The following MAPKAP1 variants were observed in gnomAD, a reference collection of about 807,000 sequenced individuals.
The protein encoded by MAPKAP1 is target of rapamycin complex 2 subunit MAPKAP1.
In MAPKAP1, 20 loss-of-function variants were observed where a neutral mutation model predicts 65.7. The observed-to-expected ratio is 0.30, with a 90% CI of 0.21 to 0.44. The LOEUF (loss-of-function observed/expected upper bound fraction) is 0.44. MAPKAP1 is among the 20% of genes least tolerant of loss of function. MAPKAP1 has a pLI of 1.00. For missense variants in MAPKAP1, 423 were observed against 648.0 expected (o/e 0.65, Z 3.77); for synonymous variants, 222 against 244.3 (o/e 0.91, Z 0.85).
intron 10 of MAPKAP1, among the ~76,000 whole-genome samples, chr9:125,449,306 T>C (rs904405047): frequency 6.6e-6 from 1 of 152,206 alleles, no homozygotes; most frequent in Non-Finnish European, 1.5e-5. Context: ...TGATCTCTTA[T>C]ATGTCACATA....
At chr9:125,534,902 C>CTA (rs1476894628) in intron 7 of MAPKAP1, among the ~76,000 whole-genome samples, 2 of 152,180 alleles carry the variant, frequency 1.3e-5, no homozygotes, top group Non-Finnish European at 2.9e-5. Flanking sequence ...CACCCAGGCC[C>CTA]TATACTTACT....
intron 1 of MAPKAP1, among the ~76,000 whole-genome samples, chr9:125,685,703 T>G (rs1452635081): frequency 6.6e-6 from 1 of 152,236 alleles, no homozygotes; most frequent in Non-Finnish European, 1.5e-5. Context: ...TCTTCTAAAC[T>G]TCTAAACTCT....
intron 7 of MAPKAP1, among the ~76,000 whole-genome samples, chr9:125,539,162 T>C (rs1830166290): frequency 6.6e-6 from 1 of 152,256 alleles, no homozygotes; most frequent in African/African-American, 2.4e-5. Context: ...AACATTTTTC[T>C]TTCAAGTTCT....
chr9:125,548,064 T>C (rs1362121487), intron 6 of MAPKAP1, among the ~76,000 whole-genome samples: 1 of 152,320 alleles, frequency 6.6e-6, no homozygotes, highest in East Asian at 1.9e-4. Context: ...TTTTAAGCTT[T>C]TTAAAAAATA....
chr9:125,603,204 C>T (rs1361899155), intron 4 of MAPKAP1, among the ~76,000 whole-genome samples: 2 of 152,148 alleles, frequency 1.3e-5, no homozygotes, highest in African/African-American at 4.8e-5. Flanking sequence ...CCACCGCACC[C>T]AGCCTCTGTC....
At chr9:125,678,615 A>C (rs1375034658) in intron 1 of MAPKAP1, among the ~76,000 whole-genome samples, 1 of 152,228 alleles carries the variant, frequency 6.6e-6, no homozygotes, top group Admixed American at 6.5e-5. Context: ...ATATTTACTA[A>C]GTTTCTACTA....
At chr9:125,698,338 A>T (rs12237014) in intron 1 of MAPKAP1, among the ~76,000 whole-genome samples, 2,344 of 92,004 alleles carry the variant, frequency 0.025, 62 homozygotes, top group Middle Eastern at 0.091. Flanking sequence ...TATATATATA[A>T]AATATATATA....
At chr9:125,547,813 T>C (rs1371526403) in intron 6 of MAPKAP1, among the ~76,000 whole-genome samples, 1 of 152,360 alleles carries the variant, frequency 6.6e-6, no homozygotes, top group South Asian at 2.1e-4. Context: ...AGGGGAGCAC[T>C]CTGGGTTGTT....
intron 4 of MAPKAP1, among the ~76,000 whole-genome samples, chr9:125,602,746 T>G (rs1325756210): frequency 6.6e-6 from 1 of 152,204 alleles, no homozygotes; most frequent in Non-Finnish European, 1.5e-5. Context: ...TCATTTAATA[T>G]GCCCAACAGT....
intron 4 of MAPKAP1, among the ~76,000 whole-genome samples, chr9:125,625,847 T>A (rs1202781033): frequency 1.3e-5 from 2 of 152,146 alleles, no homozygotes; most frequent in African/African-American, 2.4e-5. Context: ...CAGACTGAAT[T>A]CACAGCAAAA....
At chr9:125,633,462 G>A (rs1236575039) in intron 4 of MAPKAP1, among the ~76,000 whole-genome samples, 1 of 152,170 alleles carries the variant, frequency 6.6e-6, no homozygotes, top group Non-Finnish European at 1.5e-5. Context: ...ATTAAGCTGA[G>A]ACAGAAAGTA....
At chr9:125,553,794 T>A (rs1056490526) in intron 6 of MAPKAP1, among the ~76,000 whole-genome samples, 2 of 152,086 alleles carry the variant, frequency 1.3e-5, no homozygotes, top group African/African-American at 4.8e-5. Context: ...CCCAGCACTT[T>A]GGGAAGCTGA....
At chr9:125,636,080 C>T (rs558148241) in intron 4 of MAPKAP1, among the ~76,000 whole-genome samples, 2 of 152,178 alleles carry the variant, frequency 1.3e-5, no homozygotes, top group East Asian at 1.9e-4. Flanking sequence ...AAAGGACACA[C>T]GGCTCCAGGG....
intron 8 of MAPKAP1, among the ~76,000 whole-genome samples, chr9:125,502,590 T>C (rs192316969): frequency 9.2e-5 from 14 of 152,232 alleles, no homozygotes; most frequent in African/African-American, 2.7e-4. Context: ...TCCAAACATA[T>C]GCAGATCTTC....
Position 125,588,788 on chromosome 9 carries a change from C to T in MAPKAP1, c.499-3061G>A, listed in dbSNP as rs930747827. ...CCTTCGATGAGTGGCTCCCAAACAC[C>T]GTGAACAAAATCCAAACTCCCTGCA... On this transcript the variant is annotated intron_variant, in intron 4 of 11. Transcript: ENST00000265960. Among the ~76,000 whole-genome samples the T allele has an allele frequency of 3.3e-5, 5 of 152,292 alleles. No homozygotes were observed. In the East Asian group the frequency reaches 5.8e-4, roughly 18 times the overall value.
intron 7 of MAPKAP1, among the ~76,000 whole-genome samples, chr9:125,514,791 A>C (rs1433077664): frequency 6.6e-6 from 1 of 152,178 alleles, no homozygotes; most frequent in Non-Finnish European, 1.5e-5. Flanking sequence ...TTATGGCAGG[A>C]AGACCCATTC....
rs144482936 is a variant in MAPKAP1 at position 125,501,623 on chromosome 9, G to A, written c.1066+4687C>T. Among the ~76,000 whole-genome samples the A allele has an allele frequency of 1.2e-3, 179 of 152,284 alleles. 1 individual carries two copies. Among genetic ancestry groups the A allele is most frequent in the African/African-American group, 4.2e-3 (175 of 41,564 alleles). On this transcript the variant is annotated intron_variant, in intron 8 of 11. Coordinates refer to ENST00000265960, the MANE Select transcript of MAPKAP1 (RefSeq NM_001006617.3). Reference sequence around the variant, plus strand: ...TTAAGTTTTTGGTAGAAACTAGCCAGTGAAGTCATGTGGGTTTGGATTTTC... The same window carrying A: ...TTAAGTTTTTGGTAGAAACTAGCCAATGAAGTCATGTGGGTTTGGATTTTC...
At chr9:125,492,904 G>A (rs930206856) in intron 8 of MAPKAP1, among the ~76,000 whole-genome samples, 4 of 152,174 alleles carry the variant, frequency 2.6e-5, no homozygotes, top group African/African-American at 4.8e-5. Flanking sequence ...CATATGCCAG[G>A]TGCTGTGCTA....
chr9:125,547,659 G>A (rs1486373164), intron 6 of MAPKAP1, among the ~76,000 whole-genome samples: 3 of 152,120 alleles, frequency 2.0e-5, no homozygotes, highest in Non-Finnish European at 2.9e-5. Flanking sequence ...GCTTATCGGG[G>A]GGTGGGAGTC....
Sources: allele counts gnomAD v4.1 joint callset (sites outside exome capture counted in the v4.1 genomes callset), GRCh38; gene constraint gnomAD v4.1.1; transcripts MANE v1.5; gene names NCBI Gene and HGNC (gene_info 2026-07-23, HGNC 2026-07-21).